Variants in PPP2R2B observed in about 807,000 individuals in gnomAD.
The protein encoded by PPP2R2B is serine/threonine-protein phosphatase 2A 55 kDa regulatory subunit B beta isoform.
A neutral mutation model predicts 46.0 loss-of-function variants in PPP2R2B; 5 were observed. The observed-to-expected ratio is 0.11, with a 90% CI of 0.06 to 0.23. The LOEUF is 0.23. PPP2R2B is among the 10% of genes least tolerant of loss of function. The pLI is 1.00. For missense variants in PPP2R2B, 367 were observed against 575.0 expected (o/e 0.64, Z 3.70); for synonymous variants, 215 against 206.7 (o/e 1.04, Z -0.34).
intron 1 of PPP2R2B, among the ~76,000 whole-genome samples, chr5:146,900,434 C>G (rs1762789058): frequency 6.6e-6 from 1 of 152,122 alleles, no homozygotes; most frequent in African/African-American, 2.4e-5. Flanking sequence ...AACATTATGT[C>G]ATTGTTGCTA....
intron 2 of PPP2R2B, among the ~76,000 whole-genome samples, chr5:146,863,633 C>A (rs1284967964): frequency 1.3e-5 from 2 of 149,168 alleles, no homozygotes; most frequent in African/African-American, 5.1e-5. Flanking sequence ...ACTGCCCATC[C>A]ATCCATCTAT....
chr5:146,807,776 C>CTTTT lies in PPP2R2B; in HGVS notation c.70+70222_70+70225dup, dbSNP rs10583721. The stretch of plus-strand genomic sequence containing the variant: ...TTGGTTAAACCTCCTGGGGTGCCTT[C>CTTTT]TTTTTTTTTTTTTTTTTTTTTTTTT... On this transcript the variant is annotated intron_variant, in intron 2 of 9. Coordinates refer to ENST00000394411, the MANE Select transcript of PPP2R2B (RefSeq NM_181675.4). Among the ~76,000 whole-genome samples the CTTTT allele has an allele frequency of 9.0e-3, 334 of 36,918 alleles. 100 individuals are homozygous for CTTTT. Among genetic ancestry groups the CTTTT allele is most frequent in the Admixed American group, 9.9e-3 (20 of 2,014 alleles). 24.2% of individuals were successfully genotyped at this position (36,918 alleles called of 152,430 possible).
chr5:146,615,078 A>C (rs1250876875), intron 7 of PPP2R2B, among the ~76,000 whole-genome samples: 1 of 54,832 alleles, frequency 1.8e-5, no homozygotes, highest in Non-Finnish European at 2.8e-5. Context: ...CACTATTCAC[A>C]ATAGCAAAGA....
At chr5:146,757,955 A>C (rs1402836614) in intron 2 of PPP2R2B, among the ~76,000 whole-genome samples, 4 of 152,210 alleles carry the variant, frequency 2.6e-5, no homozygotes, top group Non-Finnish European at 5.9e-5. Context: ...AATGAAGCTG[A>C]GTAGACATAA....
chr5:146,684,375 C>T (rs1778359589), intron 5 of PPP2R2B, among the ~76,000 whole-genome samples: 2 of 152,214 alleles, frequency 1.3e-5, no homozygotes, highest in Non-Finnish European at 2.9e-5. Context: ...GGTTCCCCCT[C>T]CTCCCAGAAT....
At chr5:146,648,018 G>C (rs527713316) in intron 6 of PPP2R2B, among the ~76,000 whole-genome samples, 2 of 152,186 alleles carry the variant, frequency 1.3e-5, no homozygotes, top group African/African-American at 4.8e-5. Context: ...CCTTGGAGAC[G>C]GTTGAGTGCT....
intron 2 of PPP2R2B, among the ~76,000 whole-genome samples, chr5:146,807,392 G>C (rs182363777): frequency 2.6e-4 from 40 of 152,138 alleles, no homozygotes; most frequent in African/African-American, 2.4e-4. Context: ...AGTTTGTCTT[G>C]GTTCTTCCCT....
intron 7 of PPP2R2B, among the ~76,000 whole-genome samples, chr5:146,607,454 C>T (rs1561766712): frequency 6.6e-6 from 1 of 152,064 alleles, no homozygotes; most frequent in Non-Finnish European, 1.5e-5. Context: ...TTCATATAGC[C>T]CTCCATTAAT....
intron 2 of PPP2R2B, among the ~76,000 whole-genome samples, chr5:146,745,784 C>A (rs1337044076): frequency 6.6e-6 from 1 of 152,100 alleles, no homozygotes; most frequent in African/African-American, 2.4e-5. Flanking sequence ...ATGGTGAAAT[C>A]CCATTTCTAC....
intron 7 of PPP2R2B, among the ~76,000 whole-genome samples, chr5:146,624,031 C>T (rs1002179036): frequency 2.8e-4 from 42 of 152,050 alleles, no homozygotes; most frequent in African/African-American, 9.4e-4. Context: ...CCATGCAAGT[C>T]GTGAGGATGG....
chr5:147,046,459 G>T (rs1462057529), intron 1 of PPP2R2B, among the ~76,000 whole-genome samples: 1 of 152,142 alleles, frequency 6.6e-6, no homozygotes, highest in Non-Finnish European at 1.5e-5. Context: ...AGGAAACAAT[G>T]ACTCAGAAAA....
chr5:146,865,981 C>T lies in PPP2R2B; in HGVS notation c.70+12021G>A, dbSNP rs143893257. On this transcript the variant is annotated intron_variant, in intron 2 of 9. Transcript: ENST00000394411. ...ACTGTTTGGACCTCTATTAGGTTCC[C>T]GGTACTCTTCTAGAACAGGGGTCAG... Among the ~76,000 whole-genome samples the T allele has an allele frequency of 4.2e-3, 633 of 152,248 alleles. 5 individuals carry two copies. The highest frequency in any genetic ancestry group is 0.014 in the African/African-American group (574 of 41,548).
At chr5:146,728,083 A>G (rs1432099599) in intron 2 of PPP2R2B, among the ~76,000 whole-genome samples, 2 of 149,760 alleles carry the variant, frequency 1.3e-5, no homozygotes, top group Non-Finnish European at 3.0e-5. Context: ...AAAGTAACTC[A>G]CTCACTTTAA....
At chr5:146,982,440 T>C (rs1408064677) in intron 1 of PPP2R2B, among the ~76,000 whole-genome samples, 2 of 152,202 alleles carry the variant, frequency 1.3e-5, no homozygotes, top group Non-Finnish European at 2.9e-5. Flanking sequence ...TAAAATTAGA[T>C]GACGTTTGAT....
At chr5:146,994,887 C>T (rs1295301761) in intron 1 of PPP2R2B, among the ~76,000 whole-genome samples, 1 of 152,050 alleles carries the variant, frequency 6.6e-6, no homozygotes, top group Non-Finnish European at 1.5e-5. Context: ...ATGGGAAAGA[C>T]CAAAAAGTAT....
intron 1 of PPP2R2B, among the ~76,000 whole-genome samples, chr5:146,983,485 C>T (rs1753281222): frequency 6.6e-6 from 1 of 152,008 alleles, no homozygotes; most frequent in African/African-American, 2.4e-5. Flanking sequence ...CGGCCCAGAG[C>T]GTTTCTTTGT....
chr5:146,979,134 C>T (rs1169225058), intron 1 of PPP2R2B, among the ~76,000 whole-genome samples: 2 of 152,152 alleles, frequency 1.3e-5, no homozygotes, highest in African/African-American at 4.8e-5. Context: ...GACATATACG[C>T]TTCTACCTGA....
intron 2 of PPP2R2B, among the ~76,000 whole-genome samples, chr5:146,837,724 C>A (rs2151362028): frequency 6.6e-6 from 1 of 152,274 alleles, no homozygotes; most frequent in South Asian, 2.1e-4. Context: ...TCTTCTAAAT[C>A]TGGTGTGTAT....
intron 2 of PPP2R2B, among the ~76,000 whole-genome samples, chr5:146,861,232 A>AT (rs1459880355): frequency 6.6e-6 from 1 of 151,044 alleles, no homozygotes; most frequent in African/African-American, 2.4e-5. Context: ...ATTTTTTTGT[A>AT]TTTTTTGTGG....
Sources: allele counts gnomAD v4.1 joint callset (sites outside exome capture counted in the v4.1 genomes callset), GRCh38; gene constraint gnomAD v4.1.1; transcripts MANE v1.5; gene names NCBI Gene and HGNC (gene_info 2026-07-23, HGNC 2026-07-21).